Variants in COX7B2 observed in about 807,000 individuals in gnomAD.
The protein encoded by COX7B2 is cytochrome c oxidase subunit 7B2, mitochondrial.
For missense variants in COX7B2, 109 were observed against 95.9 expected (o/e 1.14, Z -0.57); for synonymous variants, 37 against 32.1 (o/e 1.15, Z -0.51).
intron 2 of COX7B2, among the ~76,000 whole-genome samples, chr4:46,787,158 A>C (rs1164077678): frequency 6.6e-6 from 1 of 152,190 alleles, no homozygotes; most frequent in Non-Finnish European, 1.5e-5. Context: ...GGATTTAAAG[A>C]ATATGATAGG....
intron 2 of COX7B2, among the ~76,000 whole-genome samples, chr4:46,753,465 G>A (rs1173942798): frequency 6.6e-6 from 1 of 151,718 alleles, no homozygotes; most frequent in Non-Finnish European, 1.5e-5. Context: ...AATGGGGAAA[G>A]GATTCCCTGT....
At chr4:46,835,064 C>A (rs1715415537) in intron 2 of COX7B2, among the ~76,000 whole-genome samples, 1 of 151,812 alleles carries the variant, frequency 6.6e-6, no homozygotes, top group South Asian at 2.1e-4. Context: ...AAGTTAAGAC[C>A]TTTTTTCCCT....
chr4:46,791,162 C>T (rs931546484), intron 2 of COX7B2, among the ~76,000 whole-genome samples: 2 of 151,412 alleles, frequency 1.3e-5, no homozygotes, highest in African/African-American at 4.9e-5. Flanking sequence ...CCACATCTGG[C>T]TAATTTTTTG....
At chr4:46,751,460 A>G (rs1445544802) in intron 2 of COX7B2, among the ~76,000 whole-genome samples, 1 of 152,130 alleles carries the variant, frequency 6.6e-6, no homozygotes, top group Non-Finnish European at 1.5e-5. Context: ...TATCATGTTC[A>G]GTTTAGAGCA....
At chr4:46,758,427 G>A in intron 2 of COX7B2, among the ~76,000 whole-genome samples, 1 of 152,024 alleles carries the variant, frequency 6.6e-6, no homozygotes, top group Admixed American at 6.6e-5. Context: ...CTGCATGCTG[G>A]CAAGTACCTA....
chr4:46,865,745 A>G (rs988891027), intron 1 of COX7B2, among the ~76,000 whole-genome samples: 4 of 152,162 alleles, frequency 2.6e-5, no homozygotes, highest in African/African-American at 9.7e-5. Context: ...AATATTTCAA[A>G]AAAGTATAGC....
intron 2 of COX7B2, among the ~76,000 whole-genome samples, chr4:46,817,982 A>C (rs539897056): frequency 2.0e-5 from 3 of 152,350 alleles, no homozygotes; most frequent in African/African-American, 7.2e-5. Flanking sequence ...AATTTCAGAA[A>C]CATCAAAATT....
intron 2 of COX7B2, among the ~76,000 whole-genome samples, chr4:46,822,062 C>A (rs867269917): frequency 6.6e-6 from 1 of 152,134 alleles, no homozygotes; most frequent in African/African-American, 2.4e-5. Context: ...TAGGCGCATG[C>A]CACCACACTG....
chr4:46,802,228 C>T (rs539326973), intron 2 of COX7B2, among the ~76,000 whole-genome samples: 33 of 152,054 alleles, frequency 2.2e-4, no homozygotes, highest in Admixed American at 6.6e-5. Context: ...AAGACCTGGC[C>T]CTTTTAGGTA....
At chr4:46,754,618 C>T (rs1244056772) in intron 2 of COX7B2, among the ~76,000 whole-genome samples, 1 of 148,444 alleles carries the variant, frequency 6.7e-6, no homozygotes, top group Non-Finnish European at 1.5e-5. Context: ...TGCAGCACAT[C>T]ATCACGGGGC....
intron 2 of COX7B2, among the ~76,000 whole-genome samples, chr4:46,807,694 T>C (rs1057476907): frequency 4.0e-5 from 6 of 151,878 alleles, no homozygotes; most frequent in Non-Finnish European, 7.4e-5. Context: ...TTGTGTATGG[T>C]ATAAGGGCCT....
intron 1 of COX7B2, among the ~76,000 whole-genome samples, chr4:46,847,922 T>G (rs564910149): frequency 6.6e-6 from 1 of 152,152 alleles, no homozygotes; most frequent in Non-Finnish European, 1.5e-5. Flanking sequence ...TTACCCCCTC[T>G]TAGCAGAAGG....
At chr4:46,879,703 A>C (rs758376045) in intron 1 of COX7B2, among the ~76,000 whole-genome samples, 14 of 151,042 alleles carry the variant, frequency 9.3e-5, no homozygotes, top group Non-Finnish European at 1.6e-4. Context: ...TGATGGATTT[A>C]TCAAAGAAAA....
At chr4:46,757,512 C>T (rs1715874838) in intron 2 of COX7B2, among the ~76,000 whole-genome samples, 1 of 152,070 alleles carries the variant, frequency 6.6e-6, no homozygotes, top group African/African-American at 2.4e-5. Flanking sequence ...TCTGCTAACG[C>T]CCAAAACACT....
intron 2 of COX7B2, among the ~76,000 whole-genome samples, chr4:46,821,389 A>G (rs1418721216): frequency 2.0e-5 from 3 of 152,206 alleles, no homozygotes; most frequent in Non-Finnish European, 4.4e-5. Flanking sequence ...AACCTTAAAT[A>G]TATTTGACTC....
chr4:46,885,769 G>A (rs148577281), intron 1 of COX7B2, among the ~76,000 whole-genome samples: 24 of 151,954 alleles, frequency 1.6e-4, no homozygotes, highest in Admixed American at 9.2e-4. Flanking sequence ...TAATTCTTCC[G>A]GTGGATGTAG....
chr4:46,815,171 G>C (rs546206107), intron 2 of COX7B2, among the ~76,000 whole-genome samples: 52 of 144,252 alleles, frequency 3.6e-4, no homozygotes, highest in Admixed American at 1.1e-3. Flanking sequence ...TCGAGACTCT[G>C]TCTCAAAAAA....
chr4:46,858,311 G>A lies in COX7B2; in HGVS notation c.-104-13297C>T, dbSNP rs376766415. ...GGGGTTCGCCATATTGGCCATGCTG[G>A]TCTCAAACTCCTTCCCTCAAGTGAT... On this transcript the variant is annotated intron_variant, in intron 1 of 2. Transcript: ENST00000355591. Among the ~76,000 whole-genome samples, 6 of 152,040 alleles carry A rather than the reference G, an allele frequency of 3.9e-5. No homozygotes were observed. In the South Asian group the frequency reaches 6.2e-4, roughly 16 times the overall value.
chr4:46,840,112 C>T (rs1715828450), intron 2 of COX7B2, among the ~76,000 whole-genome samples: 2 of 151,860 alleles, frequency 1.3e-5, no homozygotes, highest in African/African-American at 4.8e-5. Flanking sequence ...GGGCTAAAGT[C>T]TCAGTAATTT....
Sources: allele counts gnomAD v4.1 joint callset (sites outside exome capture counted in the v4.1 genomes callset), GRCh38; gene constraint gnomAD v4.1.1; transcripts MANE v1.5; gene names NCBI Gene and HGNC (gene_info 2026-07-23, HGNC 2026-07-21).